The following GCKR variants were observed in gnomAD, a reference collection of about 807,000 sequenced individuals.
GCKR encodes the protein glucokinase regulator, also known as glucokinase regulatory protein.
A neutral mutation model predicts 82.9 loss-of-function variants in GCKR; 73 were observed. The observed-to-expected ratio is 0.88, with a 90% CI of 0.73 to 1.07. The LOEUF (loss-of-function observed/expected upper bound fraction) is 1.07, where lower values mean the gene tolerates loss of function less well. Ranked by LOEUF, GCKR falls within the 50% of genes least tolerant of loss-of-function variation. The probability of loss-of-function intolerance (pLI) is 0.00; values close to 1 mark genes in which losing one functional copy is unlikely to be tolerated. For synonymous variants in GCKR, 294 were observed against 291.8 expected (o/e 1.01, Z -0.08); for missense variants, 784 against 782.1 (o/e 1.00, Z -0.03).
chr2:27,523,299 T>G lies in GCKR; in HGVS notation c.1738T>G (p.Phe580Val). The change falls in exon 19 of 19, where the codon TTC (phenylalanine) becomes GTC (valine). Residue 580 changes from phenylalanine to valine, a missense_variant. Transcript: ENST00000264717. ...ACCCATCGCCTTGCTGAGCCTCCTA[T>G]TCCGGTGCTCGATCACTGAGGCTCA... ...VIPIALLSLL[F>V]RCSITEAQAH... The G allele has an allele frequency of 6.2e-7, 1 of 1,613,106 alleles. No homozygotes were observed. The highest frequency in any genetic ancestry group is 2.2e-5 in the East Asian group (1 of 44,878).
Position 27,507,697 on chromosome 2 carries a change from T to C in GCKR, c.1160T>C (p.Phe387Ser), listed in dbSNP as rs778544287. The change falls in exon 14 of 19, where the codon TTC becomes TCC. Residue 387 changes from phenylalanine to serine, a missense_variant. Coordinates refer to ENST00000264717, the MANE Select transcript of GCKR (RefSeq NM_001486.4). ...CTGCCCCAGGGTCCCCAGTTCACCT[T>C]CTCCCAGGAGGACTTCCTGACTTCC... ...ELTNQGPQFT[F>S]SQEDFLTSIL... The C allele has an allele frequency of 2.5e-6, 4 of 1,602,314 alleles. No individual in the cohort carries two copies. Among genetic ancestry groups the C allele is most frequent in the African/African-American group, 2.7e-5 (2 of 74,648 alleles).
Position 27,499,223 on chromosome 2 carries a change from C to A in GCKR, c.495+15C>A. 1 of 1,580,296 alleles carries A rather than the reference C, an allele frequency of 6.3e-7. No individual in the cohort carries two copies. Among genetic ancestry groups the A allele is most frequent in the Non-Finnish European group, 8.7e-7 (1 of 1,149,458 alleles). ...AACTGAAGAAGGTCTGTGCTTTTCA[C>A]TGACATTGACCAGAGACCTCTATCT... On this transcript the variant is annotated intron_variant, in intron 6 of 18. Coordinates refer to ENST00000264717, the MANE Select transcript of GCKR (RefSeq NM_001486.4).
intron 4 of GCKR, 34 bp downstream of exon 4, chr2:27,498,357 C>T: frequency 6.5e-7 from 1 of 1,533,170 alleles, no homozygotes; most frequent in Non-Finnish European, 9.0e-7. Flanking sequence ...TCTTCCCCCT[C>T]CACTTCTGGA....
chr2:27,508,089 G>A lies in GCKR; in HGVS notation c.1338+15G>A, dbSNP rs374871891. 1.2e-5 allele frequency: 20 copies of A among 1,601,642 alleles called. No individual in the cohort carries two copies. Among genetic ancestry groups the A allele is most frequent in the African/African-American group, 1.1e-4 (8 of 74,466 alleles). ...AGACCTTGCTGGTGAGAGTCCAGCC[G>A]TGACAAAGGGACCCAGGTGGCAGTT... On this transcript the variant is annotated intron_variant, in intron 15 of 18. Transcript: ENST00000264717.
chr2:27,510,491 A>G (rs927185626), intron 16 of GCKR, among the ~76,000 whole-genome samples: 3 of 152,196 alleles, frequency 2.0e-5, no homozygotes, highest in African/African-American at 4.8e-5. Flanking sequence ...ATAAACCCCA[A>G]AAGCGAAATC....
chr2:27,497,021 C>A, intron 1 of GCKR, 57 bp downstream of exon 1: 1 of 1,415,990 alleles, frequency 7.1e-7, no homozygotes, highest in South Asian at 1.2e-5. Flanking sequence ...TATTTTTCAT[C>A]CAGTCTTCCC....
chr2:27,519,737 G>A (rs1365407355), intron 17 of GCKR, among the ~76,000 whole-genome samples: 2 of 152,136 alleles, frequency 1.3e-5, no homozygotes, highest in African/African-American at 2.4e-5. Flanking sequence ...ATGCCTGGTT[G>A]GGGGCTCTTG....
chr2:27,504,915 C>T (rs1343467554), intron 9 of GCKR, among the ~76,000 whole-genome samples: 3 of 151,892 alleles, frequency 2.0e-5, no homozygotes, highest in Non-Finnish European at 1.5e-5. Context: ...GACTTGAGGT[C>T]AGGAGTTCAA....
chr2:27,507,983 T>G lies in GCKR; in HGVS notation c.1247T>G (p.Leu416Arg). The change falls in exon 15 of 19, where the codon CTC (leucine) becomes CGC (arginine). Residue 416 changes from leucine to arginine, a missense_variant. By Grantham distance (102) the Leu-to-Arg change is moderately radical. Transcript: ENST00000264717. ...VVFIFTLDDN[L>R]TEVQTIVEQV... ...TGCCCTCCCCTTCTCCTAGACAACC[T>G]CACGGAGGTGCAGACTATAGTGGAG... is the stretch of plus-strand genomic sequence containing the variant. 1.2e-6 allele frequency: 2 copies of G among 1,610,114 alleles called. No homozygotes were observed. The highest frequency in any genetic ancestry group is 1.7e-6 in the Non-Finnish European group (2 of 1,176,932).
Position 27,511,673 on chromosome 2 carries a change from ACT to A in GCKR, c.1422+3425_1422+3426del, listed in dbSNP as rs1361754251. On this transcript the variant is annotated intron_variant, in intron 16 of 18. Coordinates refer to ENST00000264717, the MANE Select transcript of GCKR (RefSeq NM_001486.4). Reference sequence around the variant, plus strand: ...CTCCAGCCAGGGCAACAAGAGTGAAACTCTGTCTCAAAAAAAAATAATAATAA... The same window carrying A: ...CTCCAGCCAGGGCAACAAGAGTGAAACTGTCTCAAAAAAAAATAATAATAA... Among the ~76,000 whole-genome samples, 15 of 151,928 alleles carry A rather than the reference ACT, an allele frequency of 9.9e-5. No homozygotes were observed. The East Asian group carries it at 2.7e-3, about 28-fold the overall frequency.
At chr2:27,498,207 C>T (rs1669465190) in intron 3 of GCKR, 48 bp from the exon 4 acceptor site, 1 of 1,382,250 alleles carries the variant, frequency 7.2e-7, no homozygotes, top group Non-Finnish European at 1.0e-6. Flanking sequence ...ATATTCTTCT[C>T]CCAACCTGAG....
intron 18 of GCKR, 83 bp downstream of exon 18, chr2:27,522,677 A>T: frequency 8.3e-7 from 1 of 1,204,274 alleles, no homozygotes; most frequent in South Asian, 1.2e-5. Flanking sequence ...CACTGGGTTT[A>T]CAAAGCTCAG....
intron 16 of GCKR, 24 bp downstream of exon 16, chr2:27,508,275 T>G (rs201545072): frequency 4.9e-6 from 7 of 1,423,206 alleles, no homozygotes; most frequent in East Asian, 2.3e-5. Flanking sequence ...GAAGGTCCTA[T>G]CTGCAGTAAG....
At chr2:27,497,463 C>G in intron 2 of GCKR, 64 bp downstream of exon 2, 3 of 1,592,578 alleles carry the variant, frequency 1.9e-6, no homozygotes, top group East Asian at 2.2e-5. Context: ...CACCTCTGCT[C>G]TCCCTCACCA....
chr2:27,507,444 GT>G, intron 13 of GCKR, 133 bp downstream of exon 13: 1 of 765,858 alleles, frequency 1.3e-6, no homozygotes, highest in Admixed American at 1.8e-5. Flanking sequence ...TGGGTCAGAA[GT>G]CATGAGGCTT....
chr2:27,518,377 C>T (rs527456607), intron 16 of GCKR, among the ~76,000 whole-genome samples: 1 of 152,268 alleles, frequency 6.6e-6, no homozygotes, highest in African/African-American at 2.4e-5. Context: ...AAATATGTGT[C>T]AGTCATGGTC....
chr2:27,516,560 G>T (rs1670015698), intron 16 of GCKR, among the ~76,000 whole-genome samples: 1 of 152,098 alleles, frequency 6.6e-6, no homozygotes, highest in Non-Finnish European at 1.5e-5. Flanking sequence ...CTCCCAAAGT[G>T]CTGGGATTAT....
intron 11 of GCKR, 26 bp from the exon 12 acceptor site, chr2:27,506,762 T>C (rs375749819): frequency 8.2e-6 from 12 of 1,464,488 alleles, no homozygotes; most frequent in Admixed American, 1.7e-5. Flanking sequence ...TGATCTCTCA[T>C]GTCCTGACCT....
At chr2:27,506,633 G>A (rs1451443997) in intron 11 of GCKR, 54 bp downstream of exon 11, 3 of 1,278,706 alleles carry the variant, frequency 2.3e-6, no homozygotes, top group Admixed American at 3.4e-5. Flanking sequence ...AGAATACTGA[G>A]AGCAGGGAGA....
Sources: gnomAD v4.1 joint callset for allele counts (sites outside exome capture counted in the v4.1 genomes callset) on GRCh38, gnomAD v4.1.1 for gene constraint, MANE v1.5 for transcripts, NCBI Gene and HGNC (gene_info 2026-07-23, HGNC 2026-07-21) for gene names.